Variants in TMEM38A observed in about 807,000 individuals in gnomAD.
TMEM38A encodes the protein trimeric intracellular cation channel type A.
Under a neutral mutation model 28.6 loss-of-function variants are expected in TMEM38A, and 17 were observed. That is an observed-to-expected ratio of 0.60 (90% CI 0.41 to 0.89). TMEM38A has a LOEUF of 0.89. Ranked by LOEUF, TMEM38A falls within the 40% of genes least tolerant of loss-of-function variation. The pLI is 0.00. For missense variants in TMEM38A, 328 were observed against 393.1 expected, an observed-to-expected ratio of 0.83 and a Z score of 1.40; for synonymous variants, 169 against 166.1, an observed-to-expected ratio of 1.02 and a Z score of -0.14.
chr19:16,681,892 C>T (rs1383125430), intron 3 of TMEM38A, among the ~76,000 whole-genome samples: 1 of 152,164 alleles, frequency 6.6e-6, no homozygotes, highest in Non-Finnish European at 1.5e-5. Flanking sequence ...GTCTATTTAA[C>T]CAGTACATTT....
chr19:16,679,958 A>T, intron 1 of TMEM38A, 26 bp from the exon 2 acceptor site: 1 of 1,572,364 alleles, frequency 6.4e-7, no homozygotes, highest in Non-Finnish European at 8.6e-7. Flanking sequence ...GCTGGTGATG[A>T]TGGGGGACAC....
intron 1 of TMEM38A, among the ~76,000 whole-genome samples, chr19:16,674,429 C>T (rs1005984668): frequency 6.6e-6 from 1 of 150,878 alleles, no homozygotes; most frequent in African/African-American, 2.4e-5. Context: ...TCCAACACAA[C>T]CATGATGACT....
intron 1 of TMEM38A, among the ~76,000 whole-genome samples, chr19:16,674,528 C>T (rs537324856): frequency 1.5e-3 from 223 of 150,256 alleles, no homozygotes; most frequent in African/African-American, 5.3e-3. Context: ...GGCCGGGCGC[C>T]GTGGCTCACA....
At chr19:16,674,751 A>G (rs1458290226) in intron 1 of TMEM38A, among the ~76,000 whole-genome samples, 1 of 152,102 alleles carries the variant, frequency 6.6e-6, no homozygotes, top group South Asian at 2.1e-4. Context: ...GTGAGCCAAG[A>G]TCGCGCCATT....
intron 1 of TMEM38A, among the ~76,000 whole-genome samples, chr19:16,668,852 G>A (rs1402766409): frequency 7.8e-6 from 1 of 127,614 alleles, no homozygotes; most frequent in African/African-American, 3.4e-5. Flanking sequence ...TTTTTGAAAT[G>A]GACTTTGCTC....
Position 16,661,484 on chromosome 19 carries a change from C to T in TMEM38A, c.124+143C>T. 5.9e-6 allele frequency: 4 copies of T among 678,438 alleles called. No individual in the cohort carries two copies. In the South Asian group the frequency reaches 1.2e-4, roughly 20 times the overall value. 42.0% of individuals were successfully genotyped at this position (678,438 alleles called of 1,614,324 possible). Reference sequence around the variant, plus strand: ...GGATTGCATCGTGGGAGTAGGCAGGCGCTAGAATCGTGGGGTTCTCTCACG... The same window carrying T: ...GGATTGCATCGTGGGAGTAGGCAGGTGCTAGAATCGTGGGGTTCTCTCACG... On this transcript the variant is annotated intron_variant, in intron 1 of 5. Coordinates refer to ENST00000187762, the MANE Select transcript of TMEM38A (RefSeq NM_024074.4). The surrounding 1 kb of genome is among the most constrained non-coding windows in gnomAD (Gnocchi z 6.5).
Position 16,688,459 on chromosome 19 carries a change from T to G in TMEM38A, c.*88T>G. ...TCCTGCGCTCAGATCTATCCTTTCC[T>G]GGCCTTGACTTCCCCATCTGCAAAT... On this transcript the variant is annotated 3_prime_UTR_variant, in exon 6 of 6. Coordinates refer to ENST00000187762, the MANE Select transcript of TMEM38A (RefSeq NM_024074.4). The G allele has an allele frequency of 9.2e-7, 1 of 1,091,430 alleles. No individual in the cohort carries two copies. The allele number at this position is 1,091,430 out of a possible 1,614,324, so 67.6% of individuals were successfully genotyped here.
chr19:16,670,722 T>C (rs748905517), intron 1 of TMEM38A, among the ~76,000 whole-genome samples: 8 of 152,050 alleles, frequency 5.3e-5, no homozygotes, highest in Non-Finnish European at 8.8e-5. Flanking sequence ...GTGGATCACC[T>C]GAGGTCAGGA....
At chr19:16,669,141 C>T (rs894597391) in intron 1 of TMEM38A, among the ~76,000 whole-genome samples, 1 of 150,424 alleles carries the variant, frequency 6.6e-6, no homozygotes, top group South Asian at 2.1e-4. Context: ...AATAGTATTT[C>T]ATAGTAAGGA....
At chr19:16,683,120 T>A (rs991899178) in intron 4 of TMEM38A, among the ~76,000 whole-genome samples, 1 of 152,064 alleles carries the variant, frequency 6.6e-6, no homozygotes, top group Non-Finnish European at 1.5e-5. Context: ...ATTACAGGCA[T>A]GTGCCACCAT....
intron 1 of TMEM38A, among the ~76,000 whole-genome samples, chr19:16,668,654 C>A (rs1047339823): frequency 4.0e-5 from 6 of 150,970 alleles, no homozygotes; most frequent in African/African-American, 1.2e-4. Context: ...ACTGATCTTT[C>A]TTTCTACTAC....
intron 4 of TMEM38A, among the ~76,000 whole-genome samples, chr19:16,685,849 C>CA (rs2086799519): frequency 6.6e-6 from 1 of 152,162 alleles, no homozygotes; most frequent in Admixed American, 6.5e-5. Context: ...AGGATGACAC[C>CA]ATCTCAACCT....
chr19:16,685,257 G>C (rs1411245332), intron 4 of TMEM38A, among the ~76,000 whole-genome samples: 2 of 151,460 alleles, frequency 1.3e-5, no homozygotes, highest in Admixed American at 1.3e-4. Context: ...GTGGTGGCGG[G>C]CATCTGTAAT....
chr19:16,678,869 CTGGGCACGG>C (rs1439905239), intron 1 of TMEM38A, among the ~76,000 whole-genome samples: 1 of 149,598 alleles, frequency 6.7e-6, no homozygotes, highest in Non-Finnish European at 1.5e-5. Context: ...CAGCATAAGG[CTGGGCACGG>C]TGACTCATGC....
chr19:16,662,668 A>G (rs1258529005), intron 1 of TMEM38A, among the ~76,000 whole-genome samples: 1 of 151,734 alleles, frequency 6.6e-6, no homozygotes, highest in Non-Finnish European at 1.5e-5. Flanking sequence ...TGGCCAGGAT[A>G]GTCTCGATCT....
At chr19:16,675,008 A>G (rs2086744235) in intron 1 of TMEM38A, among the ~76,000 whole-genome samples, 1 of 152,166 alleles carries the variant, frequency 6.6e-6, no homozygotes, top group Non-Finnish European at 1.5e-5. Flanking sequence ...CAGATTTCTT[A>G]ATCTGTTGCA....
chr19:16,669,662 CAG>C (rs1444348610), intron 1 of TMEM38A, among the ~76,000 whole-genome samples: 3 of 152,154 alleles, frequency 2.0e-5, no homozygotes, highest in Admixed American at 1.3e-4. Flanking sequence ...CTCCATTTAA[CAG>C]GGGAGGAAAC....
Position 16,680,442 on chromosome 19 carries a change from C to G in TMEM38A, c.327C>G (p.Val109=), listed in dbSNP as rs751447761. 1 of 1,614,180 alleles carries G rather than the reference C, an allele frequency of 6.2e-7. No homozygotes were observed. The highest frequency in any genetic ancestry group is 8.5e-7 in the Non-Finnish European group (1 of 1,180,034). ...CCCTGGACCTCTTCTACAAGTGTGT[C>G]TGCTTCCTGCCTGTGAAACTCATCT... ...FCPLDLFYKC[V]CFLPVKLIFV... is the part of the protein sequence containing the mutation. Residue 109 remains valine (V), a synonymous_variant, in exon 3 of 6, where the codon GTC becomes GTG. Transcript: ENST00000187762.
In TMEM38A at chr19:16,671,461, G is replaced by A. The variant is rs113910539; in HGVS notation, c.125-8523G>A. Among the ~76,000 whole-genome samples, 456 of 152,034 alleles carry A rather than the reference G, an allele frequency of 3.0e-3. 13 individuals are homozygous for A. Among genetic ancestry groups the A allele is most frequent in the Middle Eastern group, 0.01 (3 of 294 alleles). Reference sequence around the variant, plus strand: ...TGACCTCAAGTGATCCACCTGCCTCGGCCTCCCAGAATGCTGGGATTACAG... The same window carrying A: ...TGACCTCAAGTGATCCACCTGCCTCAGCCTCCCAGAATGCTGGGATTACAG... On this transcript the variant is annotated intron_variant, in intron 1 of 5. Transcript: ENST00000187762.
Sources: allele counts gnomAD v4.1 joint callset (sites outside exome capture counted in the v4.1 genomes callset), GRCh38; gene constraint gnomAD v4.1.1; non-coding constraint Gnocchi (gnomAD v3.1); transcripts MANE v1.5; gene names NCBI Gene and HGNC (gene_info 2026-07-23, HGNC 2026-07-21).